Variants in ENTPD1 observed in about 807,000 individuals in gnomAD.
ENTPD1 encodes ectonucleoside triphosphate diphosphohydrolase 1.
ENTPD1 carries 33 observed loss-of-function variants against 57.0 expected under a neutral mutation model. The ratio of observed to expected loss-of-function variants is 0.58; its 90% CI spans 0.44 to 0.77. The LOEUF is 0.77. Among genes scored for constraint, ENTPD1 ranks in the 30% least tolerant of loss-of-function variants. The probability of loss-of-function intolerance (pLI) is 0.00; values close to 1 mark genes in which losing one functional copy is unlikely to be tolerated. For synonymous variants in ENTPD1, 202 were observed against 218.8 expected, an observed-to-expected ratio of 0.92 and a Z score of 0.68; for missense variants, 501 against 603.4, an observed-to-expected ratio of 0.83 and a Z score of 1.78.
At chr10:95,753,137 TTC>T (rs2098014817), upstream of ENTPD1, 1 of 152,130 alleles carries the variant, frequency 6.6e-6, no homozygotes, top group South Asian at 2.1e-4. Flanking sequence ...CCTTCCATCT[TTC>T]TGAGTGCAGT....
In ENTPD1 at chr10:95,871,781, T is replaced by C. The variant is rs1007155260; in HGVS notation, c.*5398T>C. 11 of 985,366 alleles carry C rather than the reference T, an allele frequency of 1.1e-5. No individual in the cohort carries two copies. The highest frequency in any genetic ancestry group is 1.7e-5 in the African/African-American group (1 of 57,258). The allele number at this position is 985,366 out of a possible 1,614,324, so 61.0% of individuals were successfully genotyped here. Reference sequence around the variant, plus strand: ...GAGTTGACTTGTTTTTATAACCCCTTTGCATGTATGTTGAATAGCAAAGTT... The same window carrying C: ...GAGTTGACTTGTTTTTATAACCCCTCTGCATGTATGTTGAATAGCAAAGTT... On this transcript the variant is annotated 3_prime_UTR_variant, in exon 10 of 10. Coordinates refer to ENST00000371205, the MANE Select transcript of ENTPD1 (RefSeq NM_001776.6).
At chr10:95,697,293 AGGT>A in the ENTPD1 span, among the ~76,000 whole-genome samples, 4 of 143,854 alleles carry the variant, frequency 2.8e-5, no homozygotes, top group African/African-American at 2.5e-5. Flanking sequence ...TTTCCCCTAA[AGGT>A]GGTGGTGGGG....
At chr10:95,773,268 A>G (rs943155091) in intron 1 of ENTPD1, among the ~76,000 whole-genome samples, 2 of 152,168 alleles carry the variant, frequency 1.3e-5, no homozygotes, top group Non-Finnish European at 2.9e-5. Flanking sequence ...GAGGAGACAA[A>G]TATCCAAACC....
chr10:95,703,510 G>A, the ENTPD1 span, among the ~76,000 whole-genome samples: 15 of 151,460 alleles, frequency 9.9e-5, no homozygotes, highest in South Asian at 6.3e-4. Flanking sequence ...CACTGGGCGC[G>A]GTGGCTCACG....
chr10:95,818,447 G>A (rs775760272), intron 1 of ENTPD1, among the ~76,000 whole-genome samples: 4 of 152,188 alleles, frequency 2.6e-5, no homozygotes, highest in Non-Finnish European at 5.9e-5. Context: ...TCTTGATAAG[G>A]TAGAGTCTTA....
chr10:95,724,407 C>T (rs569600350), intron 1 of ENTPD1, among the ~76,000 whole-genome samples: 119 of 152,182 alleles, frequency 7.8e-4, no homozygotes, highest in African/African-American at 2.5e-3. Context: ...CTCCCAAGAT[C>T]GTGGGCCATT....
At chr10:95,821,900 G>A (rs1673027087) in intron 1 of ENTPD1, among the ~76,000 whole-genome samples, 1 of 151,274 alleles carries the variant, frequency 6.6e-6, no homozygotes, top group Admixed American at 6.6e-5. Flanking sequence ...AGAGGAGGAG[G>A]TTGAGTTGTC....
chr10:95,764,594 T>G (rs985029105), intron 1 of ENTPD1, among the ~76,000 whole-genome samples: 1 of 152,162 alleles, frequency 6.6e-6, no homozygotes, highest in Non-Finnish European at 1.5e-5. Context: ...GAGTGTGAAG[T>G]AGTATCTCAT....
At chr10:95,710,762 T>C (rs975374664), upstream of ENTPD1, among the ~76,000 whole-genome samples, 4 of 152,220 alleles carry the variant, frequency 2.6e-5, no homozygotes, top group African/African-American at 9.7e-5. Flanking sequence ...GGAGACTGTC[T>C]ATAGTCCCAC....
chr10:95,835,945 T>A (rs2098408524), intron 2 of ENTPD1, among the ~76,000 whole-genome samples: 1 of 152,226 alleles, frequency 6.6e-6, no homozygotes, highest in African/African-American at 2.4e-5. Context: ...TTTATGACTT[T>A]TATAGTTTGA....
At chr10:95,824,583 C>T (rs905402121) in intron 2 of ENTPD1, among the ~76,000 whole-genome samples, 1 of 152,236 alleles carries the variant, frequency 6.6e-6, no homozygotes, top group African/African-American at 2.4e-5. Context: ...ACAGTTGAAG[C>T]CTCATGACAT....
chr10:95,719,502 A>T (rs186137326), intron 1 of ENTPD1, among the ~76,000 whole-genome samples: 61 of 152,280 alleles, frequency 4.0e-4, no homozygotes, highest in Admixed American at 1.4e-3. Flanking sequence ...GGGTTTTGGG[A>T]TGAGGATAAG....
intron 2 of ENTPD1, among the ~76,000 whole-genome samples, chr10:95,827,454 CA>C (rs544722117): frequency 0.076 from 10,799 of 142,026 alleles, 416 homozygotes; most frequent in African/African-American, 0.095. Flanking sequence ...GACTCTGTCT[CA>C]AAAAAAAAAA....
rs1304599349 is a variant in ENTPD1, at chr10:95,847,584, G to A, written c.952G>A (p.Gly318Ser). The change falls in exon 7 of 10, where the codon GGT becomes AGT. Residue 318 changes from glycine (G) to serine (S), a missense_variant. Coordinates refer to ENST00000371205, the MANE Select transcript of ENTPD1 (RefSeq NM_001776.6). Reference sequence around the variant, plus strand: ...TCCATTCCAGCAGTTTGAAATCCAGGGTATTGGAAACTATCAACAATGCCA... The same window carrying A: ...TCCATTCCAGCAGTTTGAAATCCAGAGTATTGGAAACTATCAACAATGCCA... ...TLPFQQFEIQGIGNYQQCHQS... is the reference protein window; with the variant it reads ...TLPFQQFEIQSIGNYQQCHQS... The A allele has an allele frequency of 6.2e-7, 1 of 1,613,938 alleles. No homozygotes were observed. The highest frequency in any genetic ancestry group is 8.5e-7 in the Non-Finnish European group (1 of 1,180,028).
chr10:95,846,386 AAAAAAGAAAAGAAAAAG>A (rs1450521818), intron 6 of ENTPD1: 1 of 152,308 alleles, frequency 6.6e-6, no homozygotes, highest in East Asian at 1.9e-4. Flanking sequence ...TCAAAAAGAA[AAAAAAGAAAAGAAAAAG>A]AAAAAGAAAA....
chr10:95,865,538 A>G (rs1000336360), intron 9 of ENTPD1, among the ~76,000 whole-genome samples: 3 of 152,300 alleles, frequency 2.0e-5, no homozygotes, highest in African/African-American at 4.8e-5. Flanking sequence ...TGTATTAAAT[A>G]TGGTGATTTC....
At chr10:95,769,052 G>A (rs1028399203) in intron 1 of ENTPD1, among the ~76,000 whole-genome samples, 2 of 152,210 alleles carry the variant, frequency 1.3e-5, no homozygotes, top group African/African-American at 4.8e-5. Flanking sequence ...ATCTAAGTAT[G>A]AGAAGACATC....
intron 1 of ENTPD1, among the ~76,000 whole-genome samples, chr10:95,767,208 C>T (rs571884619): frequency 3.1e-3 from 464 of 147,802 alleles, no homozygotes; most frequent in Middle Eastern, 7.0e-3. Context: ...CCCAGCTACT[C>T]GGGAGGCTGA....
At chr10:95,713,520 G>A (rs2097968166) in intron 1 of ENTPD1, among the ~76,000 whole-genome samples, 1 of 152,164 alleles carries the variant, frequency 6.6e-6, no homozygotes, top group African/African-American at 2.4e-5. Flanking sequence ...AATTCCCTGT[G>A]GGATTTACAA....
Sources: allele counts gnomAD v4.1 joint callset (sites outside exome capture counted in the v4.1 genomes callset), GRCh38; gene constraint gnomAD v4.1.1; transcripts MANE v1.5; gene names NCBI Gene and HGNC (gene_info 2026-07-23, HGNC 2026-07-21).